The following SFI1 variants were observed in gnomAD, a reference collection of about 807,000 sequenced individuals.
The protein encoded by SFI1 is SFI1 centrin binding protein, also known as protein SFI1 homolog.
SFI1 carries 195 observed loss-of-function variants against 207.5 expected under a neutral mutation model. That is an observed-to-expected ratio of 0.94 (90% CI 0.84 to 1.06). The LOEUF is 1.06. SFI1 is among the 50% of genes least tolerant of loss of function. The pLI is 0.00. For synonymous variants in SFI1, 630 were observed against 598.9 expected (o/e 1.05, Z -0.76); for missense variants, 1,634 against 1,588.0 (o/e 1.03, Z -0.49).
intron 4 of SFI1, among the ~76,000 whole-genome samples, chr22:31,532,657 C>T (rs2058636234): frequency 6.6e-6 from 1 of 152,134 alleles, no homozygotes; most frequent in African/African-American, 2.4e-5. Flanking sequence ...TCTTTGTATA[C>T]TTTATGAGGG....
rs756683959 is a variant in SFI1, at chr22:31,602,638, A to G, written c.1658A>G (p.Tyr553Cys). Residue 553 changes from tyrosine to cysteine, a missense_variant, in exon 17 of 33, where the codon TAT (tyrosine) becomes TGT (cysteine). Tyr to Cys is a radical substitution (Grantham distance 194, BLOSUM62 -2). Transcript: ENST00000400288. ...CTTCACGCAGAGCGACAGCTTCTGT[A>G]TAGGTCTTGGTTCATGTGGCACCAG... ...AILHAERQLLYRSWFMWHQQA... is the reference protein window; with the variant it reads ...AILHAERQLLCRSWFMWHQQA... 1.2e-6 allele frequency: 2 copies of G among 1,614,010 alleles called. No individual in the cohort carries two copies. The highest frequency in any genetic ancestry group is 1.7e-6 in the Non-Finnish European group (2 of 1,180,032).
intron 15 of SFI1, among the ~76,000 whole-genome samples, chr22:31,598,777 A>C (rs1431913724): frequency 1.0e-5 from 1 of 99,642 alleles, no homozygotes; most frequent in Non-Finnish European, 2.0e-5. Context: ...GGATTGATAC[A>C]GTCCAGTTTA....
chr22:31,617,804 T>C (rs1411545127), intron 31 of SFI1, among the ~76,000 whole-genome samples: 1 of 151,340 alleles, frequency 6.6e-6, no homozygotes, highest in Non-Finnish European at 1.5e-5. Flanking sequence ...TGCAGCAACC[T>C]CAGAGCTTCC....
chr22:31,530,487 C>T (rs1215257610), intron 3 of SFI1: 1 of 84,520 alleles, frequency 1.2e-5, no homozygotes, highest in Admixed American at 1.9e-4. Flanking sequence ...AAAACTCTGT[C>T]TCAAAAAAAA....
Position 31,580,271 on chromosome 22 carries a change from G to C in SFI1, c.1156-1G>C. The C allele has an allele frequency of 6.2e-7, 1 of 1,612,486 alleles. No homozygotes were observed. The highest frequency in any genetic ancestry group is 8.5e-7 in the Non-Finnish European group (1 of 1,178,618). ...ATCAGTTGTGTCCTTTCTTTGCACA[G>C]TATTTTTGCTTTAGAGCCCTAAAAG... On this transcript the variant is annotated splice_acceptor_variant, in intron 11 of 32. Coordinates refer to ENST00000400288, the MANE Select transcript of SFI1 (RefSeq NM_001007467.3). LOFTEE classifies it high-confidence loss of function.
At chr22:31,594,982 ATAATTTAT>A (rs1489343011) in intron 15 of SFI1, among the ~76,000 whole-genome samples, 1 of 151,674 alleles carries the variant, frequency 6.6e-6, no homozygotes, top group Non-Finnish European at 1.5e-5. Context: ...AGAAATAATA[ATAATTTAT>A]TTATTTATTT....
intron 8 of SFI1, among the ~76,000 whole-genome samples, chr22:31,566,728 T>A (rs966208309): frequency 6.6e-6 from 1 of 152,230 alleles, no homozygotes; most frequent in African/African-American, 2.4e-5. Context: ...AATGTGGAAA[T>A]GCTCAGTAAA....
intron 1 of SFI1, among the ~76,000 whole-genome samples, chr22:31,500,793 GTTTTT>G: frequency 4.5e-5 from 2 of 44,686 alleles, no homozygotes; most frequent in South Asian, 1.1e-3. Context: ...TGTTTGTTTT[GTTTTT>G]GTTTTTTGTT....
rs368171287 is a variant in SFI1, at chr22:31,561,344, C to T, written c.717C>T (p.Ala239=). 1 of 1,614,014 alleles carries T rather than the reference C, an allele frequency of 6.2e-7. No individual in the cohort carries two copies. The highest frequency in any genetic ancestry group is 1.7e-5 in the Admixed American group (1 of 59,984). ...TAGGACAGGTCCGTGTGAGCCGTGC[C>T]CTCCATGCCTCTGCTTTGAAGCACA... The part of the protein sequence containing the change: ...QRLGQVRVSR[A]LHASALKHRA... The change falls in exon 8 of 33, where the codon GCC becomes GCT. Residue 239 remains alanine, a synonymous_variant. Coordinates refer to ENST00000400288, the MANE Select transcript of SFI1 (RefSeq NM_001007467.3).
chr22:31,614,768 A>G, intron 27 of SFI1, 21 bp from the exon 28 acceptor site: 2 of 1,613,430 alleles, frequency 1.2e-6, no homozygotes, highest in East Asian at 4.5e-5. Context: ...CCAGGGGAAC[A>G]GACCCCATGT....
chr22:31,551,129 G>A (rs1251310724), intron 6 of SFI1, among the ~76,000 whole-genome samples: 1 of 152,128 alleles, frequency 6.6e-6, no homozygotes, highest in Non-Finnish European at 1.5e-5. Context: ...AGTGTTGTAA[G>A]TGCCACTTCA....
intron 22 of SFI1, among the ~76,000 whole-genome samples, chr22:31,609,502 C>T (rs1321835481): frequency 1.3e-5 from 2 of 152,184 alleles, no homozygotes; most frequent in African/African-American, 2.4e-5. Flanking sequence ...AAAGTGAAAA[C>T]ATTTAGAAAT....
Position 31,550,627 on chromosome 22 carries a change from T to C in SFI1, c.544+279T>C, listed in dbSNP as rs561392242. On this transcript the variant is annotated intron_variant, in intron 6 of 32. Coordinates refer to ENST00000400288, the MANE Select transcript of SFI1 (RefSeq NM_001007467.3). ...TTCCTGGCCTGCTGGTTCAGTGGGC[T>C]GGCTGTGACTCTCCTGTGGCACCTG... is the stretch of plus-strand genomic sequence containing the variant. The C allele has an allele frequency of 5.0e-4, 168 of 336,146 alleles. 2 individuals are homozygous for C. In the South Asian group the frequency reaches 6.4e-3, roughly 13 times the overall value. 20.8% of individuals were successfully genotyped at this position (336,146 alleles called of 1,614,324 possible).
In SFI1 at chr22:31,517,797, A is replaced by G. The variant is rs149151176; in HGVS notation, c.92+9421A>G. Among the ~76,000 whole-genome samples the G allele has an allele frequency of 4.9e-4, 75 of 152,170 alleles. No homozygotes were observed. In the East Asian group the frequency reaches 0.011, roughly 23 times the overall value. Reference sequence around the variant, plus strand: ...GCTATGTACCTTGTTCCTTCGGTCAATTTGTTTCTGCTATACAAAATCGTG... The same window carrying G: ...GCTATGTACCTTGTTCCTTCGGTCAGTTTGTTTCTGCTATACAAAATCGTG... On this transcript the variant is annotated intron_variant, in intron 2 of 32. Coordinates refer to ENST00000400288, the MANE Select transcript of SFI1 (RefSeq NM_001007467.3).
chr22:31,613,312 T>C, intron 25 of SFI1, 42 bp from the exon 26 acceptor site: 1 of 1,603,892 alleles, frequency 6.2e-7, no homozygotes. Flanking sequence ...GGGGGAGCTC[T>C]AAGCAGGGAG....
intron 4 of SFI1, among the ~76,000 whole-genome samples, chr22:31,542,417 C>G (rs1324096874): frequency 2.0e-5 from 3 of 151,792 alleles, no homozygotes; most frequent in Non-Finnish European, 1.5e-5. Flanking sequence ...CACCTGAGGT[C>G]AGGAGTTCAA....
rs771586554 is a variant in SFI1, at chr22:31,618,141, T to C, written c.3539T>C (p.Leu1180Pro). The change falls in exon 32 of 33, where the codon CTG (leucine) becomes CCG (proline). Residue 1180 changes from leucine to proline, a missense_variant. Physicochemically the swap from Leu to Pro is moderately conservative, Grantham distance 98. Coordinates refer to ENST00000400288, the MANE Select transcript of SFI1 (RefSeq NM_001007467.3). Reference sequence around the variant, plus strand: ...TCCTGTCGGCGGCAAGCGAGCAGCCTGCGCAGGTGGCTGGAGCTGAACAGA... The same window carrying C: ...TCCTGTCGGCGGCAAGCGAGCAGCCCGCGCAGGTGGCTGGAGCTGAACAGA... ...LWSCRRQASSLRRWLELNREE... is the reference protein window; with the variant it reads ...LWSCRRQASSPRRWLELNREE... 17 of 1,584,498 alleles carry C rather than the reference T, an allele frequency of 1.1e-5. No homozygotes were observed. Among genetic ancestry groups the C allele is most frequent in the African/African-American group, 1.3e-5 (1 of 74,740 alleles).
intron 1 of SFI1, among the ~76,000 whole-genome samples, chr22:31,501,855 A>T (rs1344558999): frequency 1.3e-5 from 2 of 152,186 alleles, no homozygotes; most frequent in African/African-American, 4.8e-5. Context: ...CACATTCCTC[A>T]TGCCTATGTG....
chr22:31,606,535 A>C (rs557298905), intron 21 of SFI1, 105 bp downstream of exon 21: 26 of 829,966 alleles, frequency 3.1e-5, no homozygotes, highest in Middle Eastern at 4.6e-4. Context: ...CTGAATAAGG[A>C]ACCTAGAAAA....
Sources: gnomAD v4.1 joint callset for allele counts (sites outside exome capture counted in the v4.1 genomes callset) on GRCh38, gnomAD v4.1.1 for gene constraint, MANE v1.5 for transcripts, NCBI Gene and HGNC (gene_info 2026-07-23, HGNC 2026-07-21) for gene names.